Variants in MFHAS1 observed in about 807,000 individuals in gnomAD.
MFHAS1 encodes the protein multifunctional ROCO family signaling regulator 1.
A neutral mutation model predicts 70.4 loss-of-function variants in MFHAS1; 50 were observed. The ratio of observed to expected loss-of-function variants is 0.71; its 90% confidence interval spans 0.57 to 0.90. MFHAS1 has a LOEUF of 0.90. Among genes scored for constraint, MFHAS1 ranks in the 40% least tolerant of loss-of-function variants. The probability of loss-of-function intolerance (pLI) is 0.00; values close to 1 mark genes in which losing one functional copy is unlikely to be tolerated. For missense variants in MFHAS1, 1,795 were observed against 1,347.6 expected (o/e 1.33, Z -5.20); for synonymous variants, 952 against 620.0 (o/e 1.54, Z -7.96).
At chr8:8,887,252 C>T (rs1255606495) in intron 1 of MFHAS1, among the ~76,000 whole-genome samples, 1 of 152,108 alleles carries the variant, frequency 6.6e-6, no homozygotes, top group African/African-American at 2.4e-5. Context: ...TTAATGTATG[C>T]TCTACTTAAA....
At chr8:8,814,360 T>C (rs560215356) in intron 1 of MFHAS1, among the ~76,000 whole-genome samples, 17 of 152,358 alleles carry the variant, frequency 1.1e-4, no homozygotes, top group Middle Eastern at 3.4e-3. Flanking sequence ...TACAGGTTTG[T>C]AGCCCAAGAG....
intron 1 of MFHAS1, among the ~76,000 whole-genome samples, chr8:8,871,668 C>T (rs1809079711): frequency 6.6e-6 from 1 of 152,204 alleles, no homozygotes; most frequent in Admixed American, 6.5e-5. Flanking sequence ...ATTATTTTTA[C>T]CTATTTACAG....
At chr8:8,834,405 G>C (rs1173530270) in intron 1 of MFHAS1, among the ~76,000 whole-genome samples, 1 of 152,270 alleles carries the variant, frequency 6.6e-6, no homozygotes, top group Admixed American at 6.5e-5. Flanking sequence ...GACTCACCCA[G>C]AGACACTTCC....
At chr8:8,881,241 T>C (rs923253821) in intron 1 of MFHAS1, among the ~76,000 whole-genome samples, 1 of 152,240 alleles carries the variant, frequency 6.6e-6, no homozygotes, top group African/African-American at 2.4e-5. Flanking sequence ...AAAAATGTTC[T>C]GAAGGATTTA....
intron 1 of MFHAS1, among the ~76,000 whole-genome samples, chr8:8,829,586 C>A (rs188663230): frequency 2.5e-4 from 38 of 152,168 alleles, no homozygotes; most frequent in Non-Finnish European, 5.0e-4. Flanking sequence ...GAGGCTGAGG[C>A]AGGAGAATCG....
At chr8:8,827,324 T>G (rs1201290318) in intron 1 of MFHAS1, among the ~76,000 whole-genome samples, 2 of 152,214 alleles carry the variant, frequency 1.3e-5, no homozygotes, top group African/African-American at 2.4e-5. Flanking sequence ...AGTCTAAGAA[T>G]ACGAACCTTT....
chr8:8,846,822 G>C (rs1023310241), intron 1 of MFHAS1, among the ~76,000 whole-genome samples: 1 of 151,784 alleles, frequency 6.6e-6, no homozygotes, highest in Admixed American at 6.6e-5. Flanking sequence ...AAATAGCAGC[G>C]ACCCACCCCG....
chr8:8,890,309 A>G lies in MFHAS1; in HGVS notation c.2750T>C (p.Phe917Ser). 6.2e-7 allele frequency: 1 copy of G among 1,614,202 alleles called. No homozygotes were observed. The highest frequency in any genetic ancestry group is 1.1e-5 in the South Asian group (1 of 91,082). The change falls in exon 1 of 3, where the codon TTT becomes TCT. Residue 917 changes from phenylalanine to serine, a missense_variant. Transcript: ENST00000276282. ...VHRSDGKFQI[F>S]AYRGKVPVVV... is the part of the protein sequence containing the mutation. ...CACAGGAACTTTCCCTCTATAGGCA[A>G]AGATCTGAAATTTACCATCCGACCT...
intron 1 of MFHAS1, among the ~76,000 whole-genome samples, chr8:8,847,459 G>A (rs1365130804): frequency 6.6e-6 from 1 of 152,230 alleles, no homozygotes; most frequent in Non-Finnish European, 1.5e-5. Flanking sequence ...TAAGATGACA[G>A]GTGTGAGTCA....
intron 1 of MFHAS1, among the ~76,000 whole-genome samples, chr8:8,863,477 G>A (rs1808741877): frequency 1.3e-5 from 2 of 152,126 alleles, no homozygotes; most frequent in Admixed American, 1.3e-4. Context: ...CTGCCCAGTT[G>A]ACCTCATCCA....
intron 1 of MFHAS1, among the ~76,000 whole-genome samples, chr8:8,866,338 T>A (rs1282911323): frequency 2.0e-5 from 3 of 151,956 alleles, no homozygotes; most frequent in African/African-American, 7.2e-5. Context: ...TTTTCTTTTT[T>A]GAGACAGGGT....
In MFHAS1 at chr8:8,870,785, G is replaced by A. The variant is rs578048301; in HGVS notation, c.2998+19276C>T. Among the ~76,000 whole-genome samples, 160 of 152,290 alleles carry A rather than the reference G, an allele frequency of 1.1e-3. 1 individual carries two copies. Among genetic ancestry groups the A allele is most frequent in the African/African-American group, 3.5e-3 (145 of 41,546 alleles). On this transcript the variant is annotated intron_variant, in intron 1 of 2. Coordinates refer to ENST00000276282, the MANE Select transcript of MFHAS1 (RefSeq NM_004225.3). The stretch of plus-strand genomic sequence containing the variant: ...CTGCTTCCCTGGACTGCAGCTTCCC[G>A]GGGTCAAGGCCTTGCTCCCCTCCCA...
At chr8:8,854,445 C>T (rs1808356587) in intron 1 of MFHAS1, among the ~76,000 whole-genome samples, 1 of 151,876 alleles carries the variant, frequency 6.6e-6, no homozygotes, top group African/African-American at 2.4e-5. Flanking sequence ...GGAGTGAACC[C>T]GGGAGGCCGT....
intron 2 of MFHAS1, among the ~76,000 whole-genome samples, chr8:8,791,498 G>C (rs988132852): frequency 1.3e-5 from 2 of 152,142 alleles, no homozygotes; most frequent in Admixed American, 6.5e-5. Flanking sequence ...GGACGGATTT[G>C]CTCTAAAGCT....
intron 1 of MFHAS1, among the ~76,000 whole-genome samples, chr8:8,883,169 G>C (rs13265597): frequency 0.22 from 33,753 of 151,546 alleles, 4,712 homozygotes; most frequent in African/African-American, 0.4. Context: ...AAAACAAAAA[G>C]AAAAGAAAAG....
At position 8,891,823 on chromosome 8, in the gene MFHAS1, C is replaced by T. The variant is rs1054872923; in HGVS notation, c.1236G>A (p.Leu412=). Residue 412 remains leucine, a synonymous_variant, in exon 1 of 3, where the codon CTG becomes CTA. Transcript: ENST00000276282. The surrounding 1 kb of genome is among the most constrained non-coding windows in gnomAD (Gnocchi z 5.4). ...CTGCAGCCTTATGCCCCATCAGGAGCAGCTTGAGCCGGGGCTGCACCGCCG... is the reference window on the plus strand; with the variant it reads ...CTGCAGCCTTATGCCCCATCAGGAGTAGCTTGAGCCGGGGCTGCACCGCCG... ...SQPAVQPRLK[L]LLMGHKAAGK... The T allele has an allele frequency of 1.2e-6, 2 of 1,613,086 alleles. No homozygotes were observed. The highest frequency in any genetic ancestry group is 2.7e-5 in the African/African-American group (2 of 74,928).
intron 1 of MFHAS1, among the ~76,000 whole-genome samples, chr8:8,883,691 G>T (rs188992671): frequency 8.7e-6 from 1 of 115,058 alleles, no homozygotes; most frequent in Non-Finnish European, 1.7e-5. Context: ...CTGGGCAACA[G>T]AGCGAGACTC....
rs1805944442 is a variant in MFHAS1, at chr8:8,797,406, C to T, written c.3084G>A (p.Leu1028=). Residue 1028 remains leucine (L), a synonymous_variant, in exon 2 of 3, where the codon TTG becomes TTA. Transcript: ENST00000276282. ...KNGSERVNVA[L]VYPPTPTVIS... is the part of the protein sequence containing the mutation. The stretch of plus-strand genomic sequence containing the variant: ...TCACAGTCGGCGTGGGTGGGTAAAC[C>T]AAGGCAACATTTACTCGCTCGCTGC... 1 of 1,614,062 alleles carries T rather than the reference C, an allele frequency of 6.2e-7. No homozygotes were observed. The highest frequency in any genetic ancestry group is 1.1e-5 in the South Asian group (1 of 91,064).
At chr8:8,814,386 T>C (rs946016401) in intron 1 of MFHAS1, among the ~76,000 whole-genome samples, 2 of 152,376 alleles carry the variant, frequency 1.3e-5, no homozygotes, top group Admixed American at 6.5e-5. Context: ...GGCTAGACCC[T>C]ACAGCCTGGG....
Sources: gnomAD v4.1 joint callset for allele counts (sites outside exome capture counted in the v4.1 genomes callset) on GRCh38, gnomAD v4.1.1 for gene constraint, Gnocchi (gnomAD v3.1) non-coding constraint, MANE v1.5 for transcripts, NCBI Gene and HGNC (gene_info 2026-07-23, HGNC 2026-07-21) for gene names.